Variants in BCAR1 observed in about 807,000 individuals in gnomAD.
The protein encoded by BCAR1 is breast cancer anti-estrogen resistance protein 1.
BCAR1 carries 30 observed loss-of-function variants against 67.6 expected under a neutral mutation model. That is an observed-to-expected ratio of 0.44 (90% CI 0.33 to 0.60). The LOEUF is 0.60. BCAR1 is among the 20% of genes least tolerant of loss of function. The pLI, the probability that BCAR1 is intolerant of heterozygous loss-of-function variation, is 0.02. For synonymous variants in BCAR1, 626 were observed against 556.7 expected, an observed-to-expected ratio of 1.12 and a Z score of -1.75; for missense variants, 1,313 against 1,222.3, an observed-to-expected ratio of 1.07 and a Z score of -1.11.
intron 1 of BCAR1, chr16:75,265,005 G>A (rs2077973077): frequency 6.5e-6 from 1 of 152,868 alleles, no homozygotes; most frequent in Non-Finnish European, 1.5e-5. Flanking sequence ...GGGGTAGCCA[G>A]GATCACTTGC....
At chr16:75,245,607 C>T (rs1042227418) in intron 1 of BCAR1, among the ~76,000 whole-genome samples, 1 of 152,268 alleles carries the variant, frequency 6.6e-6, no homozygotes, top group African/African-American at 2.4e-5. Flanking sequence ...GCTCACTGAT[C>T]GGCCACAGCC....
chr16:75,237,137 C>T lies in BCAR1; in HGVS notation c.795+46G>A, dbSNP rs200193490. On this transcript the variant is annotated intron_variant, in intron 3 of 6. Transcript: ENST00000162330. ...CTCGGCCCAGGGCCAAGCAGAGGCACAGACTTGCCGCCCTGCCCTCCCACC... is the reference window on the plus strand; with the variant it reads ...CTCGGCCCAGGGCCAAGCAGAGGCATAGACTTGCCGCCCTGCCCTCCCACC... 2.3e-5 allele frequency: 35 copies of T among 1,496,458 alleles called. No homozygotes were observed. The African/African-American group carries it at 4.8e-4, about 21-fold the overall frequency. 92.7% of individuals were successfully genotyped at this position (1,496,458 alleles called of 1,614,324 possible).
intron 2 of BCAR1, among the ~76,000 whole-genome samples, chr16:75,239,330 C>T (rs749466909): frequency 7.2e-5 from 11 of 152,148 alleles, no homozygotes; most frequent in Non-Finnish European, 1.3e-4. Flanking sequence ...GACACACATG[C>T]CTCATACAAT....
chr16:75,255,310 G>C (rs1375107921), upstream of BCAR1, among the ~76,000 whole-genome samples: 1 of 152,202 alleles, frequency 6.6e-6, no homozygotes, highest in Non-Finnish European at 1.5e-5. Context: ...GGCAGCAGGA[G>C]AGGATTTCCT....
At chr16:75,253,777 TGGCCG>T (rs140627497), upstream of BCAR1, among the ~76,000 whole-genome samples, 31,787 of 151,902 alleles carry the variant, frequency 0.21, 3,795 homozygotes, top group East Asian at 0.46. Flanking sequence ...GGCCAGGCTC[TGGCCG>T]GGGTATATGG....
intron 1 of BCAR1, among the ~76,000 whole-genome samples, 155 bp from the exon 2 acceptor site, chr16:75,243,245 T>G (rs147717268): frequency 4.9e-4 from 74 of 152,234 alleles, no homozygotes; most frequent in African/African-American, 1.7e-3. Context: ...TTGCCTCCAC[T>G]GTCCCCACCT....
At chr16:75,263,736 A>C in intron 1 of BCAR1, 1 of 985,696 alleles carries the variant, frequency 1.0e-6, no homozygotes, top group Non-Finnish European at 1.2e-6. Flanking sequence ...GCCCAAATGG[A>C]TGGGTGTGCT....
intron 2 of BCAR1, 79 bp from the exon 3 acceptor site, chr16:75,237,423 C>T (rs2077181856): frequency 2.2e-6 from 3 of 1,389,450 alleles, no homozygotes; most frequent in Non-Finnish European, 2.8e-6. Context: ...GGAGCCACGT[C>T]CTTTTAGGAG....
upstream of BCAR1, chr16:75,251,950 G>A: frequency 1.8e-6 from 1 of 565,950 alleles, no homozygotes; most frequent in Non-Finnish European, 3.1e-6. Flanking sequence ...TGGGAAGGCT[G>A]CCCGGTTTGC....
chr16:75,234,109 ACAC>A (rs777798386), intron 5 of BCAR1, among the ~76,000 whole-genome samples, 174 bp from the exon 6 acceptor site: 2 of 151,194 alleles, frequency 1.3e-5, no homozygotes, highest in Non-Finnish European at 2.9e-5. Context: ...ACACACACAC[ACAC>A]AAGCACACGT....
In BCAR1 at chr16:75,229,285, T is replaced by G; in HGVS notation, c.*226A>C. On this transcript the variant is annotated 3_prime_UTR_variant, in exon 7 of 7. Coordinates refer to ENST00000162330, the MANE Select transcript of BCAR1 (RefSeq NM_014567.5). ...CCCAACCCGGGCCCGTGGTGCATGC[T>G]GGGGAAGGCCACTGGCCGGCCCCTG... The G allele has an allele frequency of 1.5e-6, 1 of 664,658 alleles. No individual in the cohort carries two copies. The highest frequency in any genetic ancestry group is 2.3e-6 in the Non-Finnish European group (1 of 426,942). 41.2% of individuals were successfully genotyped at this position (664,658 alleles called of 1,614,324 possible). A position where few individuals can be genotyped will look rare whatever the true frequency, so the allele number is the denominator to read the frequency against.
At chr16:75,265,842 C>T (rs2077998501) in intron 1 of BCAR1, 2 of 1,178,428 alleles carry the variant, frequency 1.7e-6, no homozygotes, top group Non-Finnish European at 2.1e-6. Context: ...GACATCTTGG[C>T]CGCCGCCCCC....
intron 1 of BCAR1, chr16:75,250,814 G>C (rs1327922467): frequency 1.0e-6 from 1 of 985,436 alleles, no homozygotes; most frequent in Admixed American, 6.1e-5. Context: ...ACACTCGCGT[G>C]CGGCTAGGAC....
At chr16:75,265,105 C>G (rs1206287612) in intron 1 of BCAR1, 1 of 152,396 alleles carries the variant, frequency 6.6e-6, no homozygotes, top group Non-Finnish European at 1.5e-5. Flanking sequence ...CCAGGCTGCC[C>G]GGCCAGGAAG....
chr16:75,247,401 C>A, intron 1 of BCAR1: 1 of 153,682 alleles, frequency 6.5e-6, no homozygotes, highest in Non-Finnish European at 1.4e-5. Context: ...CATTGTGTCC[C>A]CGGGGCCCGC....
intron 2 of BCAR1, chr16:75,238,325 C>T: frequency 5.3e-6 from 6 of 1,141,020 alleles, no homozygotes; most frequent in Non-Finnish European, 6.5e-6. Context: ...CCACCAGGCT[C>T]CCTGTTCAGC....
In BCAR1 at chr16:75,242,475, C is replaced by G. The variant is rs2077377039; in HGVS notation, c.628G>C (p.Ala210Pro). 1.4e-6 allele frequency: 2 copies of G among 1,453,626 alleles called. No individual in the cohort carries two copies. The highest frequency in any genetic ancestry group is 1.6e-5 in the South Asian group (1 of 61,096). 90.0% of individuals were successfully genotyped at this position (1,453,626 alleles called of 1,614,324 possible). A position where few individuals can be genotyped will look rare whatever the true frequency, so the allele number is the denominator to read the frequency against. Residue 210 changes from alanine to proline, a missense_variant, in exon 2 of 7, where the codon GCA (alanine) becomes CCA (proline). By Grantham distance (27) the Ala-to-Pro change is conservative (BLOSUM62 -1). Coordinates refer to ENST00000162330, the MANE Select transcript of BCAR1 (RefSeq NM_014567.5). ...CTGTGCCAGGACAGCCTTACCTTTGCCGGGGGCTTCGTGCCCTCCCAGCTG... is the reference window on the plus strand; with the variant it reads ...CTGTGCCAGGACAGCCTTACCTTTGGCGGGGGCTTCGTGCCCTCCCAGCTG... ...TRSWEGTKPP[A>P]KVVVPTRVGQ...
rs1371714788 is a variant in BCAR1, at chr16:75,235,735, A to G, written c.1164T>C (p.Asp388=). Reference sequence around the variant, plus strand: ...GAGGAAGCACCCGTTCACGGGGCACATCGTACAGGGTGCCCGGGCCAGGCC... The same window carrying G: ...GAGGAAGCACCCGTTCACGGGGCACGTCGTACAGGGTGCCCGGGCCAGGCC... The part of the protein sequence containing the change: ...LRRPGPGTLY[D]VPRERVLPPE... Residue 388 remains aspartate (D), a synonymous_variant, in exon 5 of 7, where the codon GAT becomes GAC. Transcript: ENST00000162330. The G allele has an allele frequency of 6.2e-7, 1 of 1,603,438 alleles. No individual in the cohort carries two copies. Among genetic ancestry groups the G allele is most frequent in the Non-Finnish European group, 8.5e-7 (1 of 1,174,944 alleles).
At position 75,242,743 on chromosome 16, in the gene BCAR1, G is replaced by A. The variant is rs1567607127; in HGVS notation, c.360C>T (p.Pro120=). Residue 120 remains proline, a synonymous_variant, in exon 2 of 7, where the codon CCC becomes CCT. Coordinates refer to ENST00000162330, the MANE Select transcript of BCAR1 (RefSeq NM_014567.5). ...GGTAGAGGCCTTGCTGAGCCTTGCT[G>A]GGAGTGGGCACCAGGTAGACGCTGT... ...QPDSVYLVPT[P]SKAQQGLYQV... 6.3e-7 allele frequency: 1 copy of A among 1,588,088 alleles called. No homozygotes were observed. The highest frequency in any genetic ancestry group is 1.3e-5 in the African/African-American group (1 of 74,486).
Sources: allele counts gnomAD v4.1 joint callset (sites outside exome capture counted in the v4.1 genomes callset), GRCh38; gene constraint gnomAD v4.1.1; transcripts MANE v1.5; gene names NCBI Gene and HGNC (gene_info 2026-07-23, HGNC 2026-07-21).